The following MCTP2 variants were observed in gnomAD, a reference collection of about 807,000 sequenced individuals.
MCTP2 encodes multiple C2 and transmembrane domain-containing protein 2.
A neutral mutation model predicts 111.6 loss-of-function variants in MCTP2; 132 were observed. That is an observed-to-expected ratio of 1.18 (90% confidence interval 1.03 to 1.37). The LOEUF (loss-of-function observed/expected upper bound fraction) is 1.37. Ranked by LOEUF, MCTP2 falls within the 40% of genes most tolerant of loss-of-function variation. The pLI is 0.00. For synonymous variants in MCTP2, 395 were observed against 387.7 expected (o/e 1.02, Z -0.22); for missense variants, 1,183 against 1,067.9 (o/e 1.11, Z -1.50).
chr15:94,297,462 T>C (rs556082539), intron 1 of MCTP2, among the ~76,000 whole-genome samples: 1 of 152,298 alleles, frequency 6.6e-6, no homozygotes, highest in East Asian at 1.9e-4. Context: ...AAACTCACAT[T>C]TTTATAAATG....
intron 1 of MCTP2, among the ~76,000 whole-genome samples, chr15:94,282,073 G>A (rs892752777): frequency 6.6e-6 from 1 of 152,054 alleles, no homozygotes; most frequent in African/African-American, 2.4e-5. Flanking sequence ...TCCTGAGTTT[G>A]CAGGTTGACC....
At chr15:94,432,401 G>A (rs2083241422) in intron 17 of MCTP2, among the ~76,000 whole-genome samples, 1 of 152,214 alleles carries the variant, frequency 6.6e-6, no homozygotes, top group South Asian at 2.1e-4. Context: ...ATGTACTTAT[G>A]TCATCTTAGG....
intron 6 of MCTP2, 149 bp downstream of exon 6, chr15:94,340,424 T>C (rs2077573805): frequency 1.6e-6 from 1 of 635,296 alleles, no homozygotes; most frequent in Non-Finnish European, 2.7e-6. Context: ...TGTCAGTGTA[T>C]TTTTAAGGAT....
chr15:94,376,289 T>A (rs1388449854), intron 12 of MCTP2, among the ~76,000 whole-genome samples: 1 of 152,228 alleles, frequency 6.6e-6, no homozygotes, highest in African/African-American at 2.4e-5. Flanking sequence ...GGGCCCTGGA[T>A]TCAGCCTTAA....
intron 17 of MCTP2, among the ~76,000 whole-genome samples, chr15:94,437,356 A>G (rs550678141): frequency 6.6e-6 from 1 of 152,120 alleles, no homozygotes; most frequent in Non-Finnish European, 1.5e-5. Flanking sequence ...GTGAATATAT[A>G]AAAATTAGTG....
At chr15:94,449,297 TCAAAA>T (rs1013805204) in intron 19 of MCTP2, among the ~76,000 whole-genome samples, 21 of 152,332 alleles carry the variant, frequency 1.4e-4, no homozygotes, top group Middle Eastern at 6.8e-3. Context: ...CATTCAGTAC[TCAAAA>T]CAAAATATTA....
At chr15:94,350,264 C>G (rs1367416067) in intron 8 of MCTP2, among the ~76,000 whole-genome samples, 1 of 152,168 alleles carries the variant, frequency 6.6e-6, no homozygotes, top group Non-Finnish European at 1.5e-5. Flanking sequence ...TAAGGTGAGG[C>G]AAGAGAGGTG....
chr15:94,260,755 AC>A (rs750575683), intron 1 of MCTP2, among the ~76,000 whole-genome samples: 7 of 152,148 alleles, frequency 4.6e-5, no homozygotes, highest in Admixed American at 2.0e-4. Flanking sequence ...AGGCCCTCCA[AC>A]CATCTGAATG....
intron 2 of MCTP2, among the ~76,000 whole-genome samples, chr15:94,313,105 G>C (rs1275569201): frequency 1.3e-5 from 2 of 152,148 alleles, no homozygotes; most frequent in African/African-American, 4.8e-5. Flanking sequence ...GTCGTCTTTG[G>C]AGGGGAAATT....
At position 94,298,233 on chromosome 15, in the gene MCTP2, C is replaced by T; in HGVS notation, c.-33C>T. On this transcript the variant is annotated 5_prime_UTR_variant, in exon 2 of 23. Transcript: ENST00000357742. ...TGCAGTTTTCAGTAGAGGTGTACTT[C>T]TGAGAAGTGGCTTCTTGGGTCTTCA... The T allele has an allele frequency of 6.5e-7, 1 of 1,537,950 alleles. No individual in the cohort carries two copies. Among genetic ancestry groups the T allele is most frequent in the Middle Eastern group, 1.8e-4 (1 of 5,678 alleles).
At chr15:94,243,275 ACATACG>A (rs1456098803) in intron 1 of MCTP2, among the ~76,000 whole-genome samples, 14 of 149,332 alleles carry the variant, frequency 9.4e-5, no homozygotes, top group African/African-American at 2.7e-4. Flanking sequence ...ACGTATGCGT[ACATACG>A]TATGCGTATA....
chr15:94,269,839 G>T (rs1018661794), intron 1 of MCTP2, among the ~76,000 whole-genome samples: 1 of 152,092 alleles, frequency 6.6e-6, no homozygotes, highest in Admixed American at 6.5e-5. Flanking sequence ...TGGTAATTGT[G>T]TTCCAACTCT....
intron 17 of MCTP2, among the ~76,000 whole-genome samples, chr15:94,429,125 C>T (rs1295085023): frequency 6.6e-6 from 1 of 151,502 alleles, no homozygotes; most frequent in Admixed American, 6.6e-5. Context: ...CCCTCTATAT[C>T]TATCCCCCTA....
At chr15:94,475,999 T>C (rs965481449) in intron 21 of MCTP2, among the ~76,000 whole-genome samples, 4 of 152,222 alleles carry the variant, frequency 2.6e-5, no homozygotes, top group Non-Finnish European at 4.4e-5. Flanking sequence ...TTGTGATCCA[T>C]AAATTAAGTT....
chr15:94,298,625 A>G lies in MCTP2; in HGVS notation c.360A>G (p.Ser120=), dbSNP rs2075386085. ...ACCTCCATGTGGTGGAAACAGACTC[A>G]GAGGAGGCCTATGCCTCTCCTGCTG... is the stretch of plus-strand genomic sequence containing the variant. The part of the protein sequence containing the change: ...ASHLHVVETD[S]EEAYASPAER... Residue 120 remains serine, a synonymous_variant, in exon 2 of 23, where the codon TCA becomes TCG. Coordinates refer to ENST00000357742, the MANE Select transcript of MCTP2 (RefSeq NM_001385001.1). The G allele has an allele frequency of 6.2e-7, 1 of 1,613,682 alleles. No homozygotes were observed. The highest frequency in any genetic ancestry group is 8.5e-7 in the Non-Finnish European group (1 of 1,179,722).
intron 21 of MCTP2, among the ~76,000 whole-genome samples, chr15:94,473,088 T>C (rs2074063035): frequency 1.3e-5 from 2 of 152,136 alleles, no homozygotes; most frequent in Non-Finnish European, 2.9e-5. Context: ...AAAATGTAAC[T>C]ATATATACTA....
chr15:94,319,620 G>A (rs2076537250), intron 4 of MCTP2, among the ~76,000 whole-genome samples: 1 of 152,156 alleles, frequency 6.6e-6, no homozygotes, highest in African/African-American at 2.4e-5. Flanking sequence ...GTGGGTGTCG[G>A]CACATGAGAA....
At chr15:94,257,566 G>GTTTTTTTTTTTTT (rs1220635423) in intron 1 of MCTP2, among the ~76,000 whole-genome samples, 8 of 73,000 alleles carry the variant, frequency 1.1e-4, no homozygotes, top group Non-Finnish European at 1.6e-4. Flanking sequence ...CATTTTCTTT[G>GTTTTTTTTTTTTT]TTGTTTTTTT....
chr15:94,375,484 AC>A (rs1172746777), intron 12 of MCTP2, among the ~76,000 whole-genome samples: 1 of 152,118 alleles, frequency 6.6e-6, no homozygotes, highest in Admixed American at 6.6e-5. Flanking sequence ...ATCTTGACTC[AC>A]AATTTGGAGT....
Sources: allele counts gnomAD v4.1 joint callset (sites outside exome capture counted in the v4.1 genomes callset), GRCh38; gene constraint gnomAD v4.1.1; transcripts MANE v1.5; gene names NCBI Gene and HGNC (gene_info 2026-07-23, HGNC 2026-07-21).